The following CDC25A variants were observed in gnomAD, a reference collection of about 807,000 sequenced individuals.
CDC25A encodes the protein M-phase inducer phosphatase 1.
In CDC25A, 17 loss-of-function variants were observed where a neutral mutation model predicts 64.6. The ratio of observed to expected loss-of-function variants is 0.26; its 90% CI spans 0.18 to 0.39. CDC25A has a LOEUF of 0.39. Ranked by LOEUF, CDC25A falls within the 10% of genes least tolerant of loss-of-function variation. The pLI, the probability that CDC25A is intolerant of heterozygous loss-of-function variation, is 1.00. For missense variants in CDC25A, 473 were observed against 654.8 expected, an observed-to-expected ratio of 0.72 and a Z score of 3.03; for synonymous variants, 229 against 238.6, an observed-to-expected ratio of 0.96 and a Z score of 0.37.
At chr3:48,178,680 T>C (rs1267754247) in intron 6 of CDC25A, among the ~76,000 whole-genome samples, 2 of 152,170 alleles carry the variant, frequency 1.3e-5, no homozygotes, top group African/African-American at 4.8e-5. Context: ...GACTCCAAAA[T>C]CCAAACTCTT....
At chr3:48,187,744 G>A in intron 1 of CDC25A, 34 bp downstream of exon 1, 3 of 1,522,790 alleles carry the variant, frequency 2.0e-6, no homozygotes, top group Non-Finnish European at 2.7e-6. Flanking sequence ...CCGAGGCCAG[G>A]GGCCCGGAGC....
At chr3:48,159,968 G>A (rs1032440290) in intron 13 of CDC25A, among the ~76,000 whole-genome samples, 8 of 152,044 alleles carry the variant, frequency 5.3e-5, no homozygotes, top group African/African-American at 1.7e-4. Flanking sequence ...GAAAAAGCCC[G>A]AGGCCCCAAG....
At chr3:48,170,149 C>A (rs963059531) in intron 9 of CDC25A, among the ~76,000 whole-genome samples, 1 of 152,168 alleles carries the variant, frequency 6.6e-6, no homozygotes, top group Admixed American at 6.5e-5. Flanking sequence ...GCTGTTACCC[C>A]CAGATATGAG....
intron 10 of CDC25A, 112 bp from the exon 11 acceptor site, chr3:48,166,005 C>T: frequency 2.6e-6 from 2 of 768,198 alleles, no homozygotes; most frequent in East Asian, 2.5e-5. Flanking sequence ...ACATTAATGG[C>T]CAGGCACGGT....
chr3:48,186,727 C>G lies in CDC25A; in HGVS notation c.223G>C (p.Gly75Arg). The change falls in exon 2 of 15, where the codon GGC becomes CGC. Residue 75 changes from glycine to arginine, a missense_variant. By Grantham distance (125) the Gly-to-Arg change is moderately radical (BLOSUM62 -2). Coordinates refer to ENST00000302506, the MANE Select transcript of CDC25A (RefSeq NM_001789.3). ...CCTGAATCTGTTGACTCGGAGGAGC[C>G]CATTCTCTGCAGATTACTGTTGTTC... ...VKNNSNLQRM[G>R]SSESTDSGFC... The G allele has an allele frequency of 6.2e-7, 1 of 1,601,484 alleles. No homozygotes were observed. The highest frequency in any genetic ancestry group is 8.5e-7 in the Non-Finnish European group (1 of 1,171,722).
chr3:48,170,038 G>T (rs2032209679), intron 9 of CDC25A, among the ~76,000 whole-genome samples: 1 of 151,596 alleles, frequency 6.6e-6, no homozygotes, highest in Non-Finnish European at 1.5e-5. Flanking sequence ...AAAACACCCA[G>T]AAATTTAGCC....
intron 1 of CDC25A, 25 bp from the exon 2 acceptor site, chr3:48,186,804 G>T: frequency 3.4e-6 from 5 of 1,450,054 alleles, no homozygotes; most frequent in Non-Finnish European, 4.8e-6. Flanking sequence ...AATAAACCAT[G>T]AATGATTTAT....
intron 13 of CDC25A, among the ~76,000 whole-genome samples, chr3:48,160,199 G>A (rs546672765): frequency 5.9e-5 from 9 of 152,014 alleles, no homozygotes; most frequent in Admixed American, 1.3e-4. Context: ...TGCAATCTCC[G>A]TCTCCCGGGT....
chr3:48,172,509 A>G (rs1469882569), intron 9 of CDC25A, among the ~76,000 whole-genome samples: 2 of 152,160 alleles, frequency 1.3e-5, no homozygotes, highest in East Asian at 3.8e-4. Flanking sequence ...GTCTAGCCAC[A>G]GAATAAATAG....
At chr3:48,164,966 C>T (rs1367580908) in intron 12 of CDC25A, among the ~76,000 whole-genome samples, 2 of 151,292 alleles carry the variant, frequency 1.3e-5, no homozygotes, top group Non-Finnish European at 2.9e-5. Flanking sequence ...AAAAATTAGC[C>T]GGGCGTGGCA....
chr3:48,168,712 G>A (rs1468960333), intron 9 of CDC25A, among the ~76,000 whole-genome samples: 1 of 151,054 alleles, frequency 6.6e-6, no homozygotes, highest in Non-Finnish European at 1.5e-5. Flanking sequence ...GCAGGCTGGA[G>A]TACAGTGATC....
chr3:48,172,085 C>T (rs1400210881), intron 9 of CDC25A, among the ~76,000 whole-genome samples: 2 of 152,140 alleles, frequency 1.3e-5, no homozygotes, highest in African/African-American at 4.8e-5. Context: ...GGGAGGAGTG[C>T]TTGAGCCCAT....
chr3:48,167,347 G>A (rs570746028), intron 10 of CDC25A, among the ~76,000 whole-genome samples: 1 of 152,318 alleles, frequency 6.6e-6, no homozygotes, highest in South Asian at 2.1e-4. Flanking sequence ...GTATTTTACT[G>A]CAGCCAAGCC....
At chr3:48,160,287 G>A (rs994842828) in intron 13 of CDC25A, among the ~76,000 whole-genome samples, 5 of 151,848 alleles carry the variant, frequency 3.3e-5, no homozygotes, top group African/African-American at 1.2e-4. Context: ...ATTTTTGTAT[G>A]TTTAGTAGAG....
Position 48,165,702 on chromosome 3 carries a change from G to A in CDC25A, c.1125C>T (p.Asn375=). The A allele has an allele frequency of 6.2e-7, 1 of 1,613,928 alleles. No homozygotes were observed. The highest frequency in any genetic ancestry group is 8.5e-7 in the Non-Finnish European group (1 of 1,179,836). ...CGATGATAACAAACTCTTTAATGAG[G>A]TTGGCAAACTTGCCATTCAAAACAG... ...MASVLNGKFA[N]LIKEFVIIDC... Residue 375 remains asparagine, a synonymous_variant, in exon 12 of 15, where the codon AAC becomes AAT. Coordinates refer to ENST00000302506, the MANE Select transcript of CDC25A (RefSeq NM_001789.3).
chr3:48,166,128 T>C (rs931849567), intron 10 of CDC25A, among the ~76,000 whole-genome samples: 7 of 151,966 alleles, frequency 4.6e-5, no homozygotes, highest in Admixed American at 2.0e-4. Flanking sequence ...CTTTTAAAAA[T>C]ACAAAAATTA....
chr3:48,173,134 C>T (rs887548041), intron 9 of CDC25A, among the ~76,000 whole-genome samples: 2 of 149,040 alleles, frequency 1.3e-5, no homozygotes, highest in Non-Finnish European at 3.0e-5. Context: ...AGGAGAATGG[C>T]ATGAACCCGG....
rs574823236 is a variant in CDC25A at position 48,180,757 on chromosome 3, G to C, written c.513C>G (p.Leu171=). 1.7e-5 allele frequency: 27 copies of C among 1,614,168 alleles called. No homozygotes were observed. In the East Asian group the frequency reaches 4.2e-4, roughly 25 times the overall value. The change falls in exon 6 of 15, where the codon CTC becomes CTG. Residue 171 remains leucine (L), a synonymous_variant. Transcript: ENST00000302506. ...GGGCAGAGTTCTGCCTCTGTGTGAA[G>C]AGATCTTTACCCTCCTGGAGTCCAT... is the stretch of plus-strand genomic sequence containing the variant. ...HSHGLQEGKD[L]FTQRQNSAPA... is the part of the protein sequence containing the mutation.
At chr3:48,176,531 GTATATA>G (rs55938075) in intron 8 of CDC25A, among the ~76,000 whole-genome samples, 80 of 138,004 alleles carry the variant, frequency 5.8e-4, no homozygotes, top group South Asian at 1.4e-3. Flanking sequence ...GTGTGTGTGA[GTATATA>G]TATATATATA....
Sources: allele counts gnomAD v4.1 joint callset (sites outside exome capture counted in the v4.1 genomes callset), GRCh38; gene constraint gnomAD v4.1.1; transcripts MANE v1.5; gene names NCBI Gene and HGNC (gene_info 2026-07-23, HGNC 2026-07-21).